The following ASAH2 variants were observed in gnomAD, a reference collection of about 807,000 sequenced individuals.
ASAH2 encodes neutral ceramidase.
In ASAH2, 58 loss-of-function variants were observed where a neutral mutation model predicts 82.9. The ratio of observed to expected loss-of-function variants is 0.70; its 90% CI spans 0.57 to 0.87. The LOEUF (loss-of-function observed/expected upper bound fraction) is 0.87, where lower values mean the gene tolerates loss of function less well. ASAH2 is among the 40% of genes least tolerant of loss of function. ASAH2 has a pLI of 0.00. For missense variants in ASAH2, 779 were observed against 834.0 expected (o/e 0.93, Z 0.81); for synonymous variants, 276 against 289.7 (o/e 0.95, Z 0.48).
At position 50,226,422 on chromosome 10, in the gene ASAH2, C is replaced by T. The variant is rs948219267; in HGVS notation, c.893+6762G>A. Among the ~76,000 whole-genome samples, 11 of 152,044 alleles carry T rather than the reference C, an allele frequency of 7.2e-5. 1 individual carries two copies. Among genetic ancestry groups the T allele is most frequent in the Middle Eastern group, 6.8e-3 (2 of 294 alleles). The stretch of plus-strand genomic sequence containing the variant: ...GGCTCTGAGTGTCAGGATCTCCACA[C>T]GATTTTTTGACTTTTTAATTTTTTT... On this transcript the variant is annotated intron_variant, in intron 7 of 20. Transcript: ENST00000682911.
chr10:50,243,278 G>T lies in ASAH2; in HGVS notation c.434C>A (p.Ala145Glu), dbSNP rs1258888801. ...TRLYSRAFIMAEPDGSNRTVF... is the reference protein window; with the variant it reads ...TRLYSRAFIMEEPDGSNRTVF... ...TGTTCGATTGGACCCATCAGGTTCTGCCATGATGAAGGCACGACTGTATAG... is the reference window on the plus strand; with the variant it reads ...TGTTCGATTGGACCCATCAGGTTCTTCCATGATGAAGGCACGACTGTATAG... Residue 145 changes from alanine (A) to glutamate (E), a missense_variant, in exon 4 of 21, where the codon GCA becomes GAA. Physicochemically the swap from Ala to Glu is moderately radical, Grantham distance 107. Coordinates refer to ENST00000682911, the MANE Select transcript of ASAH2 (RefSeq NM_019893.4). The T allele has an allele frequency of 1.2e-6, 2 of 1,614,118 alleles. No individual in the cohort carries two copies. The highest frequency in any genetic ancestry group is 1.7e-6 in the Non-Finnish European group (2 of 1,179,986).
At chr10:50,206,499 T>C (rs1042527792) in intron 12 of ASAH2, among the ~76,000 whole-genome samples, 6 of 148,594 alleles carry the variant, frequency 4.0e-5, no homozygotes, top group African/African-American at 1.2e-4. Context: ...TTGTCTGACT[T>C]ATGGTCCCTG....
intron 17 of ASAH2, among the ~76,000 whole-genome samples, chr10:50,198,034 A>G (rs1354080790): frequency 6.6e-6 from 1 of 151,726 alleles, no homozygotes. Flanking sequence ...AAATATGTGC[A>G]AAGAAATTAT....
chr10:50,223,959 C>G (rs1845813667), intron 7 of ASAH2, among the ~76,000 whole-genome samples: 1 of 152,156 alleles, frequency 6.6e-6, no homozygotes, highest in Non-Finnish European at 1.5e-5. Flanking sequence ...GGAACCAACC[C>G]TGCTAATGCC....
intron 8 of ASAH2, among the ~76,000 whole-genome samples, chr10:50,215,333 T>C (rs1046706750): frequency 8.6e-5 from 13 of 151,564 alleles, no homozygotes; most frequent in Non-Finnish European, 1.6e-4. Flanking sequence ...GGATCCTTTG[T>C]TGCTATTGCT....
At chr10:50,247,278 C>T (rs1439850175) in intron 2 of ASAH2, among the ~76,000 whole-genome samples, 1 of 151,992 alleles carries the variant, frequency 6.6e-6, no homozygotes, top group Non-Finnish European at 1.5e-5. Context: ...TTGCCTCAGC[C>T]TCCCGAGTAG....
intron 20 of ASAH2, among the ~76,000 whole-genome samples, chr10:50,188,657 T>TA (rs1399976673): frequency 8.0e-6 from 1 of 125,232 alleles, no homozygotes; most frequent in African/African-American, 3.2e-5. Context: ...AATGTACCTA[T>TA]ACTCTACAGC....
intron 3 of ASAH2, 65 bp downstream of exon 3, chr10:50,245,157 G>A: frequency 7.7e-7 from 1 of 1,290,448 alleles, no homozygotes; most frequent in Non-Finnish European, 1.1e-6. Context: ...AGAAATGAAT[G>A]CAGGTTGTAA....
At position 50,208,105 on chromosome 10, in the gene ASAH2, T is replaced by G. The variant is rs1006403159; in HGVS notation, c.1415-2008A>C. Among the ~76,000 whole-genome samples, 3 of 151,938 alleles carry G rather than the reference T, an allele frequency of 2.0e-5. No homozygotes were observed. In the East Asian group the frequency reaches 5.8e-4, roughly 29 times the overall value. ...CAGAGAGAAATATTTGCCAAAAAAC[T>G]AATACCATTTTATGATAATAACACT... On this transcript the variant is annotated intron_variant, in intron 12 of 20. Coordinates refer to ENST00000682911, the MANE Select transcript of ASAH2 (RefSeq NM_019893.4).
chr10:50,214,161 T>C (rs972532805), intron 9 of ASAH2, among the ~76,000 whole-genome samples: 2 of 152,182 alleles, frequency 1.3e-5, no homozygotes, highest in African/African-American at 2.4e-5. Context: ...ATAAGTCATA[T>C]AATGTTGTTT....
At chr10:50,213,199 A>C (rs1845507319) in intron 9 of ASAH2, 141 bp from the exon 10 acceptor site, 1 of 767,228 alleles carries the variant, frequency 1.3e-6, no homozygotes. Flanking sequence ...TCAAAGTACA[A>C]ACTATAAAAA....
At position 50,211,097 on chromosome 10, in the gene ASAH2, G is replaced by T; in HGVS notation, c.1265C>A (p.Pro422Gln). ...CACCCACTGGTGTGCTGAAGCCAGT[G>T]GTCCTGTTACCTCCTGGGAGGCAGA... ...YASASQEVTG[P>Q]LASAHQWVDM... The change falls in exon 11 of 21, where the codon CCA (proline) becomes CAA (glutamine). Residue 422 changes from proline to glutamine, a missense_variant. Physicochemically the swap from Pro to Gln is moderately conservative, Grantham distance 76. Coordinates refer to ENST00000682911, the MANE Select transcript of ASAH2 (RefSeq NM_019893.4). The T allele has an allele frequency of 3.1e-6, 5 of 1,613,680 alleles. No individual in the cohort carries two copies. Among genetic ancestry groups the T allele is most frequent in the Non-Finnish European group, 4.2e-6 (5 of 1,179,696 alleles).
At chr10:50,224,620 C>A (rs938510835) in intron 7 of ASAH2, among the ~76,000 whole-genome samples, 2 of 152,160 alleles carry the variant, frequency 1.3e-5, no homozygotes, top group Admixed American at 6.6e-5. Flanking sequence ...TGACTAATAA[C>A]ATGTGTGCAG....
At chr10:50,214,636 C>T in intron 9 of ASAH2, 107 bp downstream of exon 9, 2 of 1,376,392 alleles carry the variant, frequency 1.5e-6, no homozygotes, top group Middle Eastern at 1.8e-4. Context: ...GAGAACTAGG[C>T]CAGTGTATAC....
chr10:50,193,301 G>A (rs1360734431), intron 18 of ASAH2, among the ~76,000 whole-genome samples: 4 of 151,722 alleles, frequency 2.6e-5, no homozygotes, highest in African/African-American at 7.2e-5. Flanking sequence ...TACGGGCCAC[G>A]GCAGAAGGAG....
At chr10:50,207,505 GAAAT>G (rs1845331079) in intron 12 of ASAH2, among the ~76,000 whole-genome samples, 1 of 150,908 alleles carries the variant, frequency 6.6e-6, no homozygotes, top group African/African-American at 2.4e-5. Context: ...TGACTTTAAA[GAAAT>G]AAAAAGAATT....
intron 16 of ASAH2, among the ~76,000 whole-genome samples, chr10:50,202,462 T>A (rs1845176636): frequency 6.6e-6 from 1 of 152,098 alleles, no homozygotes; most frequent in Non-Finnish European, 1.5e-5. Flanking sequence ...AACCAGTGCA[T>A]TCAATAAACA....
intron 18 of ASAH2, among the ~76,000 whole-genome samples, chr10:50,196,438 T>G (rs1237292771): frequency 6.6e-6 from 1 of 150,824 alleles, no homozygotes; most frequent in Non-Finnish European, 1.5e-5. Context: ...GGACACAAGA[T>G]TGATATAAAA....
intron 8 of ASAH2, among the ~76,000 whole-genome samples, chr10:50,215,890 A>G (rs2133210604): frequency 6.6e-6 from 1 of 152,336 alleles, no homozygotes; most frequent in African/African-American, 2.4e-5. Flanking sequence ...TATTCACAAT[A>G]GCAAAGACCT....
Sources: allele counts gnomAD v4.1 joint callset (sites outside exome capture counted in the v4.1 genomes callset), GRCh38; gene constraint gnomAD v4.1.1; transcripts MANE v1.5; gene names NCBI Gene and HGNC (gene_info 2026-07-23, HGNC 2026-07-21).